Variants in ZFYVE26 observed in about 807,000 individuals in gnomAD.
ZFYVE26 encodes zinc finger FYVE-type containing 26.
A neutral mutation model predicts 276.5 loss-of-function variants in ZFYVE26; 181 were observed. The observed-to-expected ratio is 0.65, with a 90% confidence interval of 0.58 to 0.74. The LOEUF is 0.74. Among genes scored for constraint, ZFYVE26 ranks in the 30% least tolerant of loss-of-function variants. The pLI, the probability that ZFYVE26 is intolerant of heterozygous loss-of-function variation, is 0.00. For missense variants in ZFYVE26, 2,821 were observed against 3,097.9 expected, an observed-to-expected ratio of 0.91 and a Z score of 2.12; for synonymous variants, 1,129 against 1,203.1, an observed-to-expected ratio of 0.94 and a Z score of 1.27.
chr14:67,809,711 C>G (rs2040259006), intron 3 of ZFYVE26, among the ~76,000 whole-genome samples: 2 of 151,786 alleles, frequency 1.3e-5, no homozygotes, highest in Admixed American at 1.3e-4. Flanking sequence ...TGTGAGCTAC[C>G]ACGCCTGGCC....
chr14:67,791,533 T>C (rs2039813054), intron 14 of ZFYVE26, among the ~76,000 whole-genome samples: 1 of 152,164 alleles, frequency 6.6e-6, no homozygotes, highest in Admixed American at 6.5e-5. Context: ...AAATTTTTAA[T>C]ATTGGTTGTT....
chr14:67,750,991 C>T (rs759917602), intron 41 of ZFYVE26, 61 bp downstream of exon 41: 5 of 1,602,714 alleles, frequency 3.1e-6, no homozygotes, highest in East Asian at 4.5e-5. Context: ...ATAAAGGTGA[C>T]TAGGCAAGCC....
At chr14:67,743,073 A>C (rs2038435661), downstream of ZFYVE26, among the ~76,000 whole-genome samples, 2 of 151,884 alleles carry the variant, frequency 1.3e-5, no homozygotes, top group African/African-American at 4.8e-5. Flanking sequence ...CCTGGGCTCA[A>C]GTGATCCTTC....
At chr14:67,801,442 A>G (rs745978992) in intron 10 of ZFYVE26, among the ~76,000 whole-genome samples, 11 of 152,206 alleles carry the variant, frequency 7.2e-5, no homozygotes, top group Non-Finnish European at 1.5e-4. Flanking sequence ...GATCACGCCT[A>G]CTTAGATCTC....
At chr14:67,766,509 G>T in intron 31 of ZFYVE26, 62 bp from the exon 32 acceptor site, 1 of 1,518,322 alleles carries the variant, frequency 6.6e-7, no homozygotes, top group Non-Finnish European at 9.1e-7. Context: ...ATTCTCCAAA[G>T]GCAGCTGGGT....
At chr14:67,808,171 T>G (rs2040225178) in intron 4 of ZFYVE26, among the ~76,000 whole-genome samples, 1 of 152,176 alleles carries the variant, frequency 6.6e-6, no homozygotes, top group South Asian at 2.1e-4. Context: ...AGTTGGAGGC[T>G]GGAAGAGATG....
Position 67,804,282 on chromosome 14 carries a change from G to T in ZFYVE26, c.1272-18C>A. 1 of 1,614,032 alleles carries T rather than the reference G, an allele frequency of 6.2e-7. No homozygotes were observed. The highest frequency in any genetic ancestry group is 1.7e-5 in the Admixed American group (1 of 60,012). On this transcript the variant is annotated intron_variant, in intron 8 of 41. Coordinates refer to ENST00000347230, the MANE Select transcript of ZFYVE26 (RefSeq NM_015346.4). ...TGGGGTTGCTGAATGGAAAAGTTGG[G>T]AGGATGGAAGAGAGGCAGTTTATAT...
chr14:67,761,793 C>T (rs981257849), intron 34 of ZFYVE26: 4 of 601,562 alleles, frequency 6.6e-6, no homozygotes, highest in Non-Finnish European at 1.2e-5. Flanking sequence ...GAATATTTAA[C>T]AATGTGGAAA....
intron 11 of ZFYVE26, 42 bp from the exon 12 acceptor site, chr14:67,797,797 AC>A (rs1474497277): frequency 2.5e-6 from 4 of 1,610,734 alleles, no homozygotes; most frequent in Non-Finnish European, 3.4e-6. Flanking sequence ...AGAGTGATCA[AC>A]TTTGATTTGG....
chr14:67,814,153 C>G, intron 2 of ZFYVE26, 89 bp from the exon 3 acceptor site: 1 of 1,058,838 alleles, frequency 9.4e-7, no homozygotes, highest in Non-Finnish European at 1.4e-6. Flanking sequence ...ATTGCTTATT[C>G]TGTTTTAAAC....
Position 67,805,228 on chromosome 14 carries a change from T to A in ZFYVE26, c.1260A>T (p.Ile420=), listed in dbSNP as rs762843838. 6.2e-7 allele frequency: 1 copy of A among 1,613,848 alleles called. No individual in the cohort carries two copies. Among genetic ancestry groups the A allele is most frequent in the East Asian group, 2.2e-5 (1 of 44,898 alleles). The change falls in exon 8 of 42, where the codon ATA becomes ATT. Residue 420 remains isoleucine, a synonymous_variant. Transcript: ENST00000347230. The stretch of plus-strand genomic sequence containing the variant: ...GCACAGGGCCATACCTGCTCTGCTG[T>A]ATGCACCACTCCAGGACCTCCAGGT... ...WAHLEVLEWC[I]QQSSNPIPKR... is the part of the protein sequence containing the mutation.
chr14:67,794,305 T>A (rs1225189309), intron 12 of ZFYVE26, 66 bp from the exon 13 acceptor site: 4 of 1,510,812 alleles, frequency 2.6e-6, no homozygotes, highest in Non-Finnish European at 2.8e-6. Flanking sequence ...AAGTGTGAAG[T>A]TGGCTTGACA....
chr14:67,734,192 C>A, intron 13 of ZFYVE26: 1 of 302,712 alleles, frequency 3.3e-6, no homozygotes, highest in Non-Finnish European at 6.6e-6. Context: ...AGAGGCTCAG[C>A]TGAGGCAAGA....
intron 12 of ZFYVE26, among the ~76,000 whole-genome samples, chr14:67,795,696 A>G (rs2039937476): frequency 1.3e-5 from 2 of 152,182 alleles, no homozygotes; most frequent in African/African-American, 4.8e-5. Flanking sequence ...AAAATTTAAT[A>G]CTCCTGCATA....
At chr14:67,733,135 A>T (rs1325131378) in intron 13 of ZFYVE26, among the ~76,000 whole-genome samples, 2 of 37,296 alleles carry the variant, frequency 5.4e-5, no homozygotes, top group Non-Finnish European at 2.1e-4. Flanking sequence ...AATAAAATTA[A>T]AAAAAACAAA....
chr14:67,751,175 C>G, intron 40 of ZFYVE26, 79 bp from the exon 41 acceptor site: 1 of 1,527,414 alleles, frequency 6.5e-7, no homozygotes, highest in Non-Finnish European at 9.1e-7. Context: ...CAGCCTCAGC[C>G]CAGCCATTCT....
chr14:67,794,144 G>T, intron 13 of ZFYVE26, 27 bp downstream of exon 13: 1 of 1,611,740 alleles, frequency 6.2e-7, no homozygotes, highest in Non-Finnish European at 8.5e-7. Flanking sequence ...GCTGCTCAAA[G>T]TTGGCAACTG....
In ZFYVE26 at chr14:67,798,081, A is replaced by C; in HGVS notation, c.2181T>G (p.His727Gln). 1.2e-6 allele frequency: 2 copies of C among 1,614,126 alleles called. No individual in the cohort carries two copies. Among genetic ancestry groups the C allele is most frequent in the Non-Finnish European group, 1.7e-6 (2 of 1,180,032 alleles). ...GSRDGLQSRLHRLSKVVSEAQ... is the reference protein window; with the variant it reads ...GSRDGLQSRLQRLSKVVSEAQ... The stretch of plus-strand genomic sequence containing the variant: ...CCTCAGAGACAACCTTGGAAAGTCG[A>C]TGCAGGCGGCTCTGCAGTCCATCTC... Residue 727 changes from histidine to glutamine, a missense_variant, in exon 11 of 42, where the codon CAT (histidine) becomes CAG (glutamine). Coordinates refer to ENST00000347230, the MANE Select transcript of ZFYVE26 (RefSeq NM_015346.4).
intron 13 of ZFYVE26, among the ~76,000 whole-genome samples, chr14:67,733,229 G>C (rs1269130137): frequency 6.6e-6 from 1 of 152,102 alleles, no homozygotes; most frequent in Non-Finnish European, 1.5e-5. Flanking sequence ...AAGCAAATCT[G>C]GAGGGCTTGG....
Sources: gnomAD v4.1 joint callset for allele counts (sites outside exome capture counted in the v4.1 genomes callset) on GRCh38, gnomAD v4.1.1 for gene constraint, MANE v1.5 for transcripts, NCBI Gene and HGNC (gene_info 2026-07-23, HGNC 2026-07-21) for gene names.